Variants in GALNT18 observed in about 807,000 individuals in gnomAD.
The protein encoded by GALNT18 is GalNAc-transferase 18.
A neutral mutation model predicts 69.5 loss-of-function variants in GALNT18; 44 were observed. The observed-to-expected ratio is 0.63, with a 90% CI of 0.50 to 0.81. The LOEUF is 0.81. GALNT18 is among the 40% of genes least tolerant of loss of function. The pLI, the probability that GALNT18 is intolerant of heterozygous loss-of-function variation, is 0.00. For synonymous variants in GALNT18, 364 were observed against 318.2 expected, an observed-to-expected ratio of 1.14 and a Z score of -1.53; for missense variants, 715 against 810.0, an observed-to-expected ratio of 0.88 and a Z score of 1.42.
intron 6 of GALNT18, among the ~76,000 whole-genome samples, chr11:11,348,881 CTG>C (rs369994645): frequency 6.6e-6 from 1 of 152,046 alleles, no homozygotes; most frequent in Non-Finnish European, 1.5e-5. Flanking sequence ...TGTGATAACT[CTG>C]TGTGTGTGTG....
chr11:11,576,428 A>G (rs572470851), intron 1 of GALNT18, among the ~76,000 whole-genome samples: 31 of 152,254 alleles, frequency 2.0e-4, no homozygotes, highest in Non-Finnish European at 3.7e-4. Context: ...AGGTGCAGAT[A>G]TAAGAGAGGA....
intron 1 of GALNT18, among the ~76,000 whole-genome samples, chr11:11,553,958 A>G (rs1206567103): frequency 1.3e-5 from 2 of 152,162 alleles, no homozygotes; most frequent in East Asian, 3.9e-4. Context: ...TGCCTGCCTG[A>G]TACTTCCGTA....
chr11:11,275,912 A>G (rs1401517112), intron 10 of GALNT18, among the ~76,000 whole-genome samples: 2 of 152,218 alleles, frequency 1.3e-5, no homozygotes, highest in Admixed American at 6.5e-5. Context: ...TGGTACCAGT[A>G]CCATGCTGTT....
chr11:11,450,556 G>A (rs1273377047), intron 1 of GALNT18, among the ~76,000 whole-genome samples: 1 of 152,230 alleles, frequency 6.6e-6, no homozygotes, highest in East Asian at 1.9e-4. Flanking sequence ...AGAGATGCCA[G>A]AGACCTCAGT....
chr11:11,447,599 A>T (rs1334793715), intron 2 of GALNT18, among the ~76,000 whole-genome samples: 1 of 152,222 alleles, frequency 6.6e-6, no homozygotes, highest in South Asian at 2.1e-4. Flanking sequence ...ACAGTTCTGC[A>T]TGGCTGGGGA....
chr11:11,395,593 T>C lies in GALNT18; in HGVS notation c.596-16329A>G, dbSNP rs1022089539. On this transcript the variant is annotated intron_variant, in intron 3 of 10. Transcript: ENST00000227756. Reference sequence around the variant, plus strand: ...CATGAGGCAAGGGCCAATTGATGTGTGGCAAATAGAAGTGGCCACTGCACT... The same window carrying C: ...CATGAGGCAAGGGCCAATTGATGTGCGGCAAATAGAAGTGGCCACTGCACT... 2.0e-5 allele frequency among the ~76,000 whole-genome samples: 3 copies of C among 152,282 alleles called. 1 individual carries two copies. The highest frequency in any genetic ancestry group is 2.0e-4 in the Admixed American group (3 of 15,306).
At chr11:11,285,610 G>A (rs1381630722) in intron 10 of GALNT18, among the ~76,000 whole-genome samples, 1 of 152,006 alleles carries the variant, frequency 6.6e-6, no homozygotes, top group African/African-American at 2.4e-5. Flanking sequence ...CCTCAAAACT[G>A]GACAGTTCTA....
At chr11:11,520,261 A>AT (rs1340816018) in intron 1 of GALNT18, among the ~76,000 whole-genome samples, 1 of 152,180 alleles carries the variant, frequency 6.6e-6, no homozygotes, top group African/African-American at 2.4e-5. Flanking sequence ...CATTTTAAAG[A>AT]TGGGAAAACT....
intron 9 of GALNT18, among the ~76,000 whole-genome samples, chr11:11,294,876 C>G (rs1291473235): frequency 6.6e-6 from 1 of 152,180 alleles, no homozygotes; most frequent in Non-Finnish European, 1.5e-5. Context: ...CTAGTGCTCC[C>G]CTGCCCCAGT....
rs111966095 is a variant in GALNT18, at chr11:11,443,337, T to C, written c.428+5407A>G. On this transcript the variant is annotated intron_variant, in intron 2 of 10. Transcript: ENST00000227756. The stretch of plus-strand genomic sequence containing the variant: ...CTCCACCCCTTGGGCAAAGGACTTC[T>C]TCAGTCGCTTTCTCACATCTCCATT... Among the ~76,000 whole-genome samples the C allele has an allele frequency of 1.3e-3, 204 of 152,286 alleles. 2 individuals carry two copies. Among genetic ancestry groups the C allele is most frequent in the African/African-American group, 4.7e-3 (197 of 41,560 alleles).
intron 3 of GALNT18, among the ~76,000 whole-genome samples, chr11:11,425,869 C>T (rs758784159): frequency 3.9e-5 from 6 of 152,264 alleles, no homozygotes; most frequent in Non-Finnish European, 5.9e-5. Flanking sequence ...GAGTCAAAGG[C>T]AGAGATGCCT....
intron 6 of GALNT18, among the ~76,000 whole-genome samples, chr11:11,365,193 G>A (rs904528246): frequency 2.6e-5 from 4 of 151,948 alleles, no homozygotes; most frequent in Non-Finnish European, 4.4e-5. Flanking sequence ...TCCCTTCTCT[G>A]TGTCCATGTG....
chr11:11,287,545 C>CT lies in GALNT18; in HGVS notation c.1677+5483dup, dbSNP rs553848061. Among the ~76,000 whole-genome samples the CT allele has an allele frequency of 4.5e-3, 687 of 152,266 alleles. 11 individuals are homozygous for CT. The highest frequency in any genetic ancestry group is 0.016 in the African/African-American group (651 of 41,536). ...TCCAGGGGTCATTGACCAAATGCCT[C>CT]TTTTTTCACAGAAATCCATCACTGA... On this transcript the variant is annotated intron_variant, in intron 10 of 10. Coordinates refer to ENST00000227756, the MANE Select transcript of GALNT18 (RefSeq NM_198516.3).
chr11:11,326,201 C>T (rs1173691649), intron 9 of GALNT18, among the ~76,000 whole-genome samples: 6 of 152,052 alleles, frequency 3.9e-5, no homozygotes, highest in African/African-American at 1.4e-4. Context: ...CCCGCCACCA[C>T]ACCTGGCTAA....
intron 1 of GALNT18, among the ~76,000 whole-genome samples, chr11:11,491,684 C>T (rs1378455929): frequency 1.3e-5 from 2 of 152,210 alleles, no homozygotes; most frequent in Admixed American, 6.5e-5. Flanking sequence ...TCATTCAACA[C>T]AATTTCACTT....
At chr11:11,307,422 T>C (rs960420336) in intron 9 of GALNT18, among the ~76,000 whole-genome samples, 2 of 152,124 alleles carry the variant, frequency 1.3e-5, no homozygotes, top group African/African-American at 4.8e-5. Context: ...CTTATTTAAA[T>C]AACCCTGGGG....
At chr11:11,450,165 T>C (rs1041471653) in intron 1 of GALNT18, among the ~76,000 whole-genome samples, 1 of 152,172 alleles carries the variant, frequency 6.6e-6, no homozygotes, top group East Asian at 1.9e-4. Context: ...AATGAGACAG[T>C]GATCAGAAAA....
In GALNT18 at chr11:11,494,769, A is replaced by T. The variant is rs892252100; in HGVS notation, c.236-45833T>A. 2.0e-5 allele frequency among the ~76,000 whole-genome samples: 3 copies of T among 152,212 alleles called. No homozygotes were observed. Among genetic ancestry groups the T allele is most frequent in the African/African-American group, 7.2e-5 (3 of 41,452 alleles). On this transcript the variant is annotated intron_variant, in intron 1 of 10. Transcript: ENST00000227756. This position sits in a 1 kb window ranked among gnomAD's most constrained non-coding sequence, Gnocchi z 5.7. The stretch of plus-strand genomic sequence containing the variant: ...CCACTATAGCCAAATCAGAGAGATG[A>T]ATCCGGCCCATCGTGCTATTATTCA...
intron 1 of GALNT18, among the ~76,000 whole-genome samples, chr11:11,482,726 G>C (rs1019239467): frequency 1.3e-5 from 2 of 152,212 alleles, no homozygotes; most frequent in African/African-American, 4.8e-5. Flanking sequence ...GCACACTAAG[G>C]TGATGGGCTG....
Sources: allele counts gnomAD v4.1 joint callset (sites outside exome capture counted in the v4.1 genomes callset), GRCh38; gene constraint gnomAD v4.1.1; non-coding constraint Gnocchi (gnomAD v3.1); transcripts MANE v1.5; gene names NCBI Gene and HGNC (gene_info 2026-07-23, HGNC 2026-07-21).